The following GPC6 variants were observed in gnomAD, a reference collection of about 807,000 sequenced individuals.
GPC6 encodes the protein glypican-6.
A neutral mutation model predicts 55.2 loss-of-function variants in GPC6; 14 were observed. The observed-to-expected ratio is 0.25, with a 90% CI of 0.17 to 0.40. GPC6 has a LOEUF of 0.40. Ranked by LOEUF, GPC6 falls within the 10% of genes least tolerant of loss-of-function variation. GPC6 has a pLI of 1.00. For missense variants in GPC6, 641 were observed against 708.5 expected (o/e 0.90, Z 1.08); for synonymous variants, 278 against 259.6 (o/e 1.07, Z -0.68).
intron 4 of GPC6, among the ~76,000 whole-genome samples, chr13:94,182,015 G>A (rs1388390919): frequency 6.6e-6 from 1 of 152,190 alleles, no homozygotes; most frequent in Admixed American, 6.5e-5. Flanking sequence ...AGGAGGGCAA[G>A]CATAAGTTGG....
At chr13:94,268,013 G>A (rs1367050727) in intron 4 of GPC6, among the ~76,000 whole-genome samples, 1 of 152,224 alleles carries the variant, frequency 6.6e-6, no homozygotes, top group Non-Finnish European at 1.5e-5. Flanking sequence ...GGAGAGGCTA[G>A]TGGGGTTGCT....
At chr13:93,363,005 C>T (rs1030369066) in intron 1 of GPC6, among the ~76,000 whole-genome samples, 13 of 151,712 alleles carry the variant, frequency 8.6e-5, no homozygotes, top group African/African-American at 1.9e-4. Flanking sequence ...TACTGATGAA[C>T]GACTATTTTT....
chr13:93,386,148 C>T (rs1250680628), intron 1 of GPC6, among the ~76,000 whole-genome samples: 1 of 147,594 alleles, frequency 6.8e-6, no homozygotes, highest in African/African-American at 2.5e-5. Flanking sequence ...CAGTCAAATT[C>T]TATTATCCTT....
intron 6 of GPC6, among the ~76,000 whole-genome samples, chr13:94,306,454 T>G (rs1875953586): frequency 6.6e-6 from 1 of 152,252 alleles, no homozygotes; most frequent in Non-Finnish European, 1.5e-5. Flanking sequence ...CATTTCTTAC[T>G]CATCTGCTTC....
In GPC6 at chr13:93,430,546, A is replaced by G. The variant is rs563349928; in HGVS notation, c.161-114717A>G. 7.9e-5 allele frequency among the ~76,000 whole-genome samples: 12 copies of G among 152,242 alleles called. No homozygotes were observed. In the East Asian group the frequency reaches 2.1e-3, roughly 27 times the overall value. ...AGTAGATGTCAAGATGGATAGAGAG[A>G]TAAGGCAGATTGAACAACTTGTAGA... is the stretch of plus-strand genomic sequence containing the variant. On this transcript the variant is annotated intron_variant, in intron 1 of 8. Transcript: ENST00000377047.
chr13:93,797,626 A>C (rs913390228), intron 2 of GPC6, among the ~76,000 whole-genome samples: 1 of 152,146 alleles, frequency 6.6e-6, no homozygotes, highest in African/African-American at 2.4e-5. Flanking sequence ...CTTACAGAGG[A>C]GCTTGGGGTA....
intron 5 of GPC6, among the ~76,000 whole-genome samples, chr13:94,294,347 G>A (rs1000110816): frequency 9.2e-5 from 14 of 151,686 alleles, no homozygotes; most frequent in Admixed American, 7.9e-4. Flanking sequence ...CTACCGACGA[G>A]GGTAGAACCC....
chr13:94,194,874 T>TG (rs1491165560), intron 4 of GPC6, among the ~76,000 whole-genome samples: 7 of 152,122 alleles, frequency 4.6e-5, no homozygotes, highest in South Asian at 4.2e-4. Context: ...TGTGTGTGTG[T>TG]TTGTGTGTGT....
intron 2 of GPC6, among the ~76,000 whole-genome samples, chr13:93,674,626 A>T (rs1881506878): frequency 6.6e-6 from 1 of 152,204 alleles, no homozygotes; most frequent in South Asian, 2.1e-4. Context: ...AATTGGAGAC[A>T]ACACTCTTCC....
Position 93,935,610 on chromosome 13 carries a change from C to G in GPC6, c.712-92119C>G, listed in dbSNP as rs146961830. Among the ~76,000 whole-genome samples the G allele has an allele frequency of 5.4e-3, 822 of 152,170 alleles. 9 individuals are homozygous for G. The highest frequency in any genetic ancestry group is 0.019 in the African/African-American group (784 of 41,510). On this transcript the variant is annotated intron_variant, in intron 3 of 8. Transcript: ENST00000377047. ...TCCTTTTTAATTTTTTAATATGAAG[C>G]TATTATAAAGTTTAAAATTACATAC...
In GPC6 at chr13:94,403,532, G is replaced by T. The variant is rs1045055913; in HGVS notation, c.*315G>T. 3 of 310,866 alleles carry T rather than the reference G, an allele frequency of 9.7e-6. No homozygotes were observed. Among genetic ancestry groups the T allele is most frequent in the Admixed American group, 4.8e-5 (1 of 20,934 alleles). The allele number at this position is 310,866 out of a possible 1,614,324, so 19.3% of individuals were successfully genotyped here. A position where few individuals can be genotyped will look rare whatever the true frequency, so the allele number is the denominator to read the frequency against. On this transcript the variant is annotated 3_prime_UTR_variant, in exon 9 of 9. Coordinates refer to ENST00000377047, the MANE Select transcript of GPC6 (RefSeq NM_005708.5). ...TGCTGCAGAAGTAAAGGAATCTCAC[G>T]TTGTGAGGGTTTTTTTTTTCTCATT... is the stretch of plus-strand genomic sequence containing the variant.
At chr13:94,120,744 G>A (rs1886602834) in intron 4 of GPC6, among the ~76,000 whole-genome samples, 2 of 152,070 alleles carry the variant, frequency 1.3e-5, no homozygotes, top group Non-Finnish European at 1.5e-5. Context: ...GAGTGTTTTA[G>A]TAGGAAAGAC....
Position 93,228,339 on chromosome 13 carries a change from C to T in GPC6, c.160+723C>T, listed in dbSNP as rs529292514. Among the ~76,000 whole-genome samples, 187 of 152,318 alleles carry T rather than the reference C, an allele frequency of 1.2e-3. 2 individuals carry two copies. The highest frequency in any genetic ancestry group is 4.4e-3 in the African/African-American group (183 of 41,580). On this transcript the variant is annotated intron_variant, in intron 1 of 8. Transcript: ENST00000377047. Reference sequence around the variant, plus strand: ...TTGGCCACTCAGGGCCCGGGGACACCCTGCCACCCGGTCTGGAGCCGGCCT... The same window carrying T: ...TTGGCCACTCAGGGCCCGGGGACACTCTGCCACCCGGTCTGGAGCCGGCCT...
intron 1 of GPC6, among the ~76,000 whole-genome samples, chr13:93,276,481 AGAGAGAGAGAGAGAGTGTGTGTGT>A (rs1228701530): frequency 1.5e-5 from 2 of 134,194 alleles, no homozygotes; most frequent in East Asian, 2.2e-4. Flanking sequence ...AGAGAGAGAG[AGAGAGAGAGAGAGAGTGTGTGTGT>A]GTGTGTGTGT....
intron 2 of GPC6, among the ~76,000 whole-genome samples, chr13:93,808,399 T>A (rs1886599612): frequency 6.6e-6 from 1 of 152,214 alleles, no homozygotes; most frequent in Non-Finnish European, 1.5e-5. Flanking sequence ...AAATATCATG[T>A]AAATTGTAAG....
At chr13:93,297,514 C>A (rs1053717220) in intron 1 of GPC6, among the ~76,000 whole-genome samples, 2 of 152,024 alleles carry the variant, frequency 1.3e-5, no homozygotes, top group African/African-American at 2.4e-5. Context: ...ACCTGTGGTC[C>A]CAGCTACTTG....
intron 4 of GPC6, among the ~76,000 whole-genome samples, chr13:94,245,804 T>C (rs1891179510): frequency 6.6e-6 from 1 of 152,074 alleles, no homozygotes; most frequent in African/African-American, 2.4e-5. Context: ...TTTCCATATC[T>C]TGGCTATTCT....
rs58366471 is a variant in GPC6 at position 93,993,380 on chromosome 13, G to A, written c.712-34349G>A. On this transcript the variant is annotated intron_variant, in intron 3 of 8. Coordinates refer to ENST00000377047, the MANE Select transcript of GPC6 (RefSeq NM_005708.5). ...ACAGTCTCAGCTCACTGCAACCTCC[G>A]CCTCCTGGGTTCAAGTGATTCTCCT... 4.8e-3 allele frequency among the ~76,000 whole-genome samples: 715 copies of A among 148,840 alleles called. 7 individuals carry two copies. The highest frequency in any genetic ancestry group is 0.015 in the African/African-American group (608 of 40,460).
chr13:93,923,329 A>G (rs945263979), intron 3 of GPC6, among the ~76,000 whole-genome samples: 5 of 152,188 alleles, frequency 3.3e-5, no homozygotes, highest in African/African-American at 4.8e-5. Context: ...TGTTCGGGGA[A>G]AAGGGCAGCT....
Sources: gnomAD v4.1 joint callset for allele counts (sites outside exome capture counted in the v4.1 genomes callset) on GRCh38, gnomAD v4.1.1 for gene constraint, MANE v1.5 for transcripts, NCBI Gene and HGNC (gene_info 2026-07-23, HGNC 2026-07-21) for gene names.